ZFHX3: variants seen among roughly 807,000 people sequenced by gnomAD.
ZFHX3 encodes the protein zinc finger homeobox protein 3.
Under a neutral mutation model 279.1 loss-of-function variants are expected in ZFHX3, and 42 were observed. The ratio of observed to expected loss-of-function variants is 0.15; its 90% confidence interval spans 0.12 to 0.19. The LOEUF (loss-of-function observed/expected upper bound fraction) is 0.19, where lower values mean the gene tolerates loss of function less well. Among genes scored for constraint, ZFHX3 ranks in the 10% least tolerant of loss-of-function variants. The pLI is 1.00. For synonymous variants in ZFHX3, 2,293 were observed against 1,957.8 expected, an observed-to-expected ratio of 1.17 and a Z score of -4.52; for missense variants, 4,981 against 4,754.0, an observed-to-expected ratio of 1.05 and a Z score of -1.40.
At chr16:73,715,646 C>G (rs570371834) in intron 1 of ZFHX3, among the ~76,000 whole-genome samples, 8 of 141,702 alleles carry the variant, frequency 5.6e-5, no homozygotes, top group Admixed American at 7.5e-5. Context: ...GATCTCGGCT[C>G]TCTGCAACCT....
chr16:73,731,073 G>C lies in ZFHX3; in HGVS notation c.-1607-50833C>G, dbSNP rs183566723. On this transcript the variant is annotated intron_variant, in intron 1 of 17. Coordinates refer to the ZFHX3 transcript ENST00000641206. ...AGGATAAAAAAAGGTTTCTTTGCTA[G>C]ATTAAACTTGCGATTGTCATTCATA... Among the ~76,000 whole-genome samples the C allele has an allele frequency of 2.6e-4, 40 of 152,324 alleles. No individual in the cohort carries two copies. In the South Asian group the frequency reaches 7.3e-3, roughly 28 times the overall value.
chr16:73,465,751 C>A (rs1255443161), intron 2 of ZFHX3, among the ~76,000 whole-genome samples: 6 of 152,196 alleles, frequency 3.9e-5, no homozygotes, highest in South Asian at 2.1e-4. Context: ...CCCTTGAGTT[C>A]TTCTCTCCTT....
chr16:73,622,198 T>G (rs1157008530), intron 2 of ZFHX3, among the ~76,000 whole-genome samples: 2 of 152,140 alleles, frequency 1.3e-5, no homozygotes, highest in African/African-American at 4.8e-5. Context: ...ATAGCATCCT[T>G]GTTTAGCCAC....
At chr16:73,004,988 T>C (rs149927897) in intron 1 of ZFHX3, among the ~76,000 whole-genome samples, 1,836 of 152,332 alleles carry the variant, frequency 0.012, 60 homozygotes, top group East Asian at 0.034. Context: ...CCTACAACCA[T>C]TTATTGCATA....
chr16:73,603,958 C>G (rs1203837588), intron 2 of ZFHX3, among the ~76,000 whole-genome samples: 3 of 151,586 alleles, frequency 2.0e-5, no homozygotes, highest in African/African-American at 7.3e-5. Context: ...TTTGTATTTC[C>G]AGTAGAGATA....
chr16:72,803,452 C>G (rs1311750894), intron 7 of ZFHX3, among the ~76,000 whole-genome samples: 1 of 152,134 alleles, frequency 6.6e-6, no homozygotes, highest in Non-Finnish European at 1.5e-5. Context: ...GTAGCATAAC[C>G]AGGGTCATGC....
At chr16:72,829,508 T>A (rs2037015459) in intron 5 of ZFHX3, 1 of 437,422 alleles carries the variant, frequency 2.3e-6, no homozygotes, top group Admixed American at 3.5e-5. Context: ...GCTTGGCACT[T>A]ACCTGGATAC....
intron 2 of ZFHX3, among the ~76,000 whole-genome samples, chr16:73,475,676 A>T (rs1317478653): frequency 6.6e-6 from 1 of 152,154 alleles, no homozygotes; most frequent in East Asian, 1.9e-4. Flanking sequence ...AGATTATAAT[A>T]ACATTTCTAA....
intron 1 of ZFHX3, among the ~76,000 whole-genome samples, chr16:73,721,016 T>C (rs1361172155): frequency 2.6e-5 from 4 of 152,262 alleles, no homozygotes; most frequent in Non-Finnish European, 5.9e-5. Context: ...GGCCTCATAA[T>C]ATTTTTAAAA....
At chr16:72,922,818 C>A (rs2144247303) in intron 3 of ZFHX3, among the ~76,000 whole-genome samples, 2 of 152,240 alleles carry the variant, frequency 1.3e-5, no homozygotes, top group South Asian at 4.1e-4. Context: ...CAAACACCTT[C>A]ACTTTACAGC....
At position 73,706,377 on chromosome 16, in the gene ZFHX3, A is replaced by G. The variant is rs895671055; in HGVS notation, c.-1607-26137T>C. Among the ~76,000 whole-genome samples, 6 of 150,414 alleles carry G rather than the reference A, an allele frequency of 4.0e-5. No homozygotes were observed. In the South Asian group the frequency reaches 8.4e-4, roughly 21 times the overall value. ...CTCGGGAGGCTGAAGCAGGAGAATC[A>G]CTTGAACTTGAAAGGTTGCAGCGAG... On this transcript the variant is annotated intron_variant, in intron 1 of 17. Transcript: ENST00000641206.
At chr16:73,334,685 A>G (rs2015874374) in intron 3 of ZFHX3, among the ~76,000 whole-genome samples, 1 of 152,000 alleles carries the variant, frequency 6.6e-6, no homozygotes, top group South Asian at 2.1e-4. Context: ...TCCAAGACAG[A>G]CGCTCGGGGC....
intron 4 of ZFHX3, among the ~76,000 whole-genome samples, chr16:72,868,179 G>A (rs904410860): frequency 5.9e-5 from 9 of 152,196 alleles, no homozygotes; most frequent in African/African-American, 2.2e-4. Flanking sequence ...AAGGGTCAGT[G>A]GTACAGATTC....
chr16:73,177,593 T>C (rs371809772), intron 5 of ZFHX3, among the ~76,000 whole-genome samples: 3 of 152,366 alleles, frequency 2.0e-5, no homozygotes, highest in African/African-American at 7.2e-5. Context: ...AACACTGGCA[T>C]ACAGCCAATA....
At chr16:73,271,841 G>A (rs2014153750) in intron 4 of ZFHX3, among the ~76,000 whole-genome samples, 2 of 152,180 alleles carry the variant, frequency 1.3e-5, no homozygotes, top group Admixed American at 6.5e-5. Context: ...CCACATTGCT[G>A]ATGGGGCATT....
At chr16:72,987,809 G>A (rs1023804385) in intron 1 of ZFHX3, among the ~76,000 whole-genome samples, 4 of 152,122 alleles carry the variant, frequency 2.6e-5, no homozygotes, top group Admixed American at 6.5e-5. Flanking sequence ...AGGAATGGCC[G>A]GAGGGAATCT....
chr16:73,281,984 C>T (rs2014469006), intron 4 of ZFHX3, among the ~76,000 whole-genome samples: 2 of 152,126 alleles, frequency 1.3e-5, no homozygotes, highest in African/African-American at 4.8e-5. Flanking sequence ...CACAAAGCTA[C>T]CTCAAAGGAA....
At chr16:73,833,477 A>G (rs1203952209) in intron 1 of ZFHX3, among the ~76,000 whole-genome samples, 1 of 152,150 alleles carries the variant, frequency 6.6e-6, no homozygotes, top group African/African-American at 2.4e-5. Flanking sequence ...AATTTAAACC[A>G]TCATTCTTCA....
rs35087076 is a variant in ZFHX3 at position 73,249,850 on chromosome 16, A to ACAC, written c.-1104+7196_-1104+7197insGTG. Among the ~76,000 whole-genome samples, 36 of 151,974 alleles carry ACAC rather than the reference A, an allele frequency of 2.4e-4. 1 individual carries two copies. In the East Asian group the frequency reaches 6.8e-3, roughly 29 times the overall value. The stretch of plus-strand genomic sequence containing the variant: ...CACACACACACACACACACACACAC[A>ACAC]AAATTCAAAAGACCAATCAGTGCAA... On this transcript the variant is annotated intron_variant, in intron 5 of 17. Coordinates refer to the ZFHX3 transcript ENST00000641206.
Sources: gnomAD v4.1 joint callset for allele counts (sites outside exome capture counted in the v4.1 genomes callset) on GRCh38, gnomAD v4.1.1 for gene constraint, MANE v1.5 for transcripts, NCBI Gene and HGNC (gene_info 2026-07-23, HGNC 2026-07-21) for gene names.